SLC24A2: variants seen among roughly 807,000 people sequenced by gnomAD.
The protein encoded by SLC24A2 is solute carrier family 24 member 2.
SLC24A2 carries 36 observed loss-of-function variants against 62.0 expected under a neutral mutation model. That is an observed-to-expected ratio of 0.58 (90% CI 0.44 to 0.77). The LOEUF is 0.77. Among genes scored for constraint, SLC24A2 ranks in the 30% least tolerant of loss-of-function variants. SLC24A2 has a pLI of 0.00. For missense variants in SLC24A2, 846 were observed against 817.9 expected, an observed-to-expected ratio of 1.03 and a Z score of -0.42; for synonymous variants, 358 against 294.0, an observed-to-expected ratio of 1.22 and a Z score of -2.23.
chr9:19,743,223 G>A (rs1821731856), intron 2 of SLC24A2, among the ~76,000 whole-genome samples: 1 of 152,192 alleles, frequency 6.6e-6, no homozygotes, highest in Admixed American at 6.5e-5. Flanking sequence ...TTACGGCTGA[G>A]TTGGACAACT....
intron 3 of SLC24A2, 92 bp from the exon 4 acceptor site, chr9:19,619,784 T>C (rs968809352): frequency 1.1e-6 from 1 of 936,530 alleles, no homozygotes; most frequent in African/African-American, 1.6e-5. Context: ...TGGCCACTCA[T>C]TTCTGTCGCA....
At position 19,576,907 on chromosome 9, in the gene SLC24A2, T is replaced by G; in HGVS notation, c.1228+17A>C. ...TCCCCCAGGAAAGGTATGGGGTGGA[T>G]GTTTCCCTGCACTCACCCACGTGGT... On this transcript the variant is annotated intron_variant, in intron 6 of 10. Transcript: ENST00000341998. 6.3e-7 allele frequency: 1 copy of G among 1,587,504 alleles called. No individual in the cohort carries two copies. The highest frequency in any genetic ancestry group is 8.7e-7 in the Non-Finnish European group (1 of 1,155,700).
At chr9:19,880,217 C>T in the SLC24A2 span, among the ~76,000 whole-genome samples, 6 of 152,102 alleles carry the variant, frequency 3.9e-5, no homozygotes, top group South Asian at 1.0e-3. Flanking sequence ...TCTTCTTAGC[C>T]TGGACACAGC....
the SLC24A2 span, among the ~76,000 whole-genome samples, chr9:20,191,616 G>A: frequency 2.0e-5 from 3 of 151,128 alleles, no homozygotes; most frequent in African/African-American, 7.3e-5. Context: ...ATCCACCAGG[G>A]GCCACCTAAG....
At chr9:19,532,443 G>A (rs1449629758) in intron 8 of SLC24A2, among the ~76,000 whole-genome samples, 1 of 152,186 alleles carries the variant, frequency 6.6e-6, no homozygotes, top group Non-Finnish European at 1.5e-5. Context: ...CGAATAGAAT[G>A]TAAATGCTAT....
the SLC24A2 span, among the ~76,000 whole-genome samples, chr9:20,265,241 G>A: frequency 2.0e-5 from 3 of 152,238 alleles, no homozygotes; most frequent in Non-Finnish European, 2.9e-5. Context: ...AGTCTACTGT[G>A]TGGATTCCTG....
the SLC24A2 span, among the ~76,000 whole-genome samples, chr9:19,823,118 T>G: frequency 6.6e-6 from 1 of 152,182 alleles, no homozygotes; most frequent in Admixed American, 6.5e-5. Flanking sequence ...ACTTATTAGC[T>G]TGGTTGAGCT....
At chr9:19,669,998 G>C (rs1164642691) in intron 2 of SLC24A2, among the ~76,000 whole-genome samples, 9 of 152,202 alleles carry the variant, frequency 5.9e-5, no homozygotes, top group Non-Finnish European at 1.0e-4. Context: ...TGTTAGATGG[G>C]TCTGCCTCAA....
At chr9:19,546,032 G>A (rs1834549340) in intron 8 of SLC24A2, among the ~76,000 whole-genome samples, 1 of 152,220 alleles carries the variant, frequency 6.6e-6, no homozygotes, top group African/African-American at 2.4e-5. Flanking sequence ...ACCAGAGGAG[G>A]CTGCAGAACA....
the SLC24A2 span, among the ~76,000 whole-genome samples, chr9:20,221,083 T>C: frequency 1.3e-5 from 2 of 152,034 alleles, no homozygotes; most frequent in African/African-American, 4.8e-5. Context: ...TATAGAGTGG[T>C]GAGGAAGAGA....
chr9:19,570,332 T>C (rs544842242), intron 7 of SLC24A2, among the ~76,000 whole-genome samples: 1 of 152,228 alleles, frequency 6.6e-6, no homozygotes, highest in African/African-American at 2.4e-5. Context: ...CTTCATTCTT[T>C]GAGGGACAAA....
At chr9:19,750,211 G>C (rs1033088123) in intron 2 of SLC24A2, among the ~76,000 whole-genome samples, 3 of 152,042 alleles carry the variant, frequency 2.0e-5, no homozygotes, top group Non-Finnish European at 2.9e-5. Flanking sequence ...GATTCACTGG[G>C]AATACCAGAA....
At chr9:19,557,319 A>C (rs765350515) in intron 7 of SLC24A2, among the ~76,000 whole-genome samples, 1 of 152,234 alleles carries the variant, frequency 6.6e-6, no homozygotes, top group African/African-American at 2.4e-5. Context: ...GGTGGGAACA[A>C]TTGTAAGAGG....
At chr9:20,213,431 A>T in the SLC24A2 span, among the ~76,000 whole-genome samples, 1 of 152,084 alleles carries the variant, frequency 6.6e-6, no homozygotes, top group South Asian at 2.1e-4. Flanking sequence ...AGAAACAAAA[A>T]TTTTTAAGAA....
chr9:19,631,534 G>A (rs1191875004), intron 2 of SLC24A2, among the ~76,000 whole-genome samples: 1 of 152,158 alleles, frequency 6.6e-6, no homozygotes, highest in Non-Finnish European at 1.5e-5. Flanking sequence ...TCTTGAGTGA[G>A]GGGGTCTTAC....
intron 10 of SLC24A2, among the ~76,000 whole-genome samples, chr9:19,516,847 G>C (rs982994693): frequency 6.6e-6 from 1 of 152,112 alleles, no homozygotes; most frequent in Non-Finnish European, 1.5e-5. Context: ...AAAAAATGGA[G>C]ACAAAGAATA....
the SLC24A2 span, among the ~76,000 whole-genome samples, chr9:20,289,902 C>G: frequency 1.3e-5 from 2 of 152,070 alleles, 1 homozygote; most frequent in South Asian, 4.2e-4. Flanking sequence ...TATGAATCTC[C>G]CATTCATAGA....
At chr9:19,566,023 C>T (rs1835635637) in intron 7 of SLC24A2, among the ~76,000 whole-genome samples, 1 of 152,108 alleles carries the variant, frequency 6.6e-6, no homozygotes, top group Non-Finnish European at 1.5e-5. Flanking sequence ...TGGAAGAAAA[C>T]CTAGGCAATA....
the SLC24A2 span, among the ~76,000 whole-genome samples, chr9:20,256,627 A>G: frequency 6.6e-6 from 1 of 152,092 alleles, no homozygotes; most frequent in Admixed American, 6.5e-5. Flanking sequence ...CAAGCATTAT[A>G]AATGCTGTGG....
Sources: allele counts gnomAD v4.1 joint callset (sites outside exome capture counted in the v4.1 genomes callset), GRCh38; gene constraint gnomAD v4.1.1; transcripts MANE v1.5; gene names NCBI Gene and HGNC (gene_info 2026-07-23, HGNC 2026-07-21).